SDK1: variants seen among roughly 807,000 people sequenced by gnomAD.
SDK1 encodes sidekick cell adhesion molecule 1, also known as protein sidekick-1.
In SDK1, 157 loss-of-function variants were observed where a neutral mutation model predicts 245.5. The observed-to-expected ratio is 0.64, with a 90% CI of 0.56 to 0.73. The LOEUF is 0.73. Ranked by LOEUF, SDK1 falls within the 30% of genes least tolerant of loss-of-function variation. The probability of loss-of-function intolerance (pLI) is 0.00; values close to 1 mark genes in which losing one functional copy is unlikely to be tolerated. For synonymous variants in SDK1, 1,647 were observed against 1,278.5 expected (o/e 1.29, Z -6.15); for missense variants, 3,583 against 3,002.3 (o/e 1.19, Z -4.52).
intron 1 of SDK1, among the ~76,000 whole-genome samples, chr7:3,504,465 A>G (rs972483839): frequency 3.9e-5 from 6 of 152,122 alleles, no homozygotes; most frequent in African/African-American, 1.4e-4. Flanking sequence ...AAAGAAAGAC[A>G]TATATGTTGG....
At chr7:3,447,059 G>C (rs1780362746) in intron 1 of SDK1, among the ~76,000 whole-genome samples, 1 of 152,168 alleles carries the variant, frequency 6.6e-6, no homozygotes, top group African/African-American at 2.4e-5. Flanking sequence ...CGATTATAGA[G>C]CTCTGAACTT....
chr7:3,671,344 AT>A (rs1280648533), intron 4 of SDK1, among the ~76,000 whole-genome samples: 1 of 152,218 alleles, frequency 6.6e-6, no homozygotes, highest in African/African-American at 2.4e-5. Flanking sequence ...CATCAGGGAC[AT>A]TTTTTAAACC....
intron 17 of SDK1, among the ~76,000 whole-genome samples, chr7:4,045,992 C>G (rs1380444900): frequency 6.6e-6 from 1 of 151,652 alleles, no homozygotes; most frequent in Non-Finnish European, 1.5e-5. Flanking sequence ...CAAAGTCTTA[C>G]TTGGTTGCTC....
intron 4 of SDK1, among the ~76,000 whole-genome samples, chr7:3,737,220 TG>T (rs1779340612): frequency 6.6e-6 from 1 of 152,196 alleles, no homozygotes; most frequent in Admixed American, 6.5e-5. Flanking sequence ...GGCCATAGGC[TG>T]GGCTCCGCAG....
rs1781761708 is a variant in SDK1, at chr7:3,391,732, G to T, written c.298+89848G>T. ...GCTCACTGCAACCTCCGCTTGCCAG[G>T]TTTAAGTGATCCTCCTGTCTCAGCC... On this transcript the variant is annotated intron_variant, in intron 1 of 44. Transcript: ENST00000404826. 2.0e-5 allele frequency among the ~76,000 whole-genome samples: 3 copies of T among 150,762 alleles called. No homozygotes were observed. In the South Asian group the frequency reaches 6.3e-4, roughly 32 times the overall value.
intron 4 of SDK1, among the ~76,000 whole-genome samples, chr7:3,749,115 A>G (rs779379823): frequency 3.9e-5 from 6 of 152,192 alleles, no homozygotes; most frequent in Admixed American, 3.9e-4. Context: ...AGTACATGAA[A>G]GAAGGTTAAG....
chr7:4,016,978 T>A (rs1786450855), intron 16 of SDK1, among the ~76,000 whole-genome samples, 193 bp from the exon 17 acceptor site: 1 of 152,248 alleles, frequency 6.6e-6, no homozygotes, highest in Non-Finnish European at 1.5e-5. Flanking sequence ...CTTGAGCTTA[T>A]AATCACTGTG....
intron 4 of SDK1, among the ~76,000 whole-genome samples, chr7:3,701,023 G>A (rs534045112): frequency 4.4e-4 from 67 of 152,264 alleles, no homozygotes; most frequent in African/African-American, 1.6e-3. Context: ...GGGCTGGGGA[G>A]GAACCAGTTG....
Position 3,915,649 on chromosome 7 carries a change from G to A in SDK1, c.848-35274G>A, listed in dbSNP as rs1045165675. 2.6e-5 allele frequency among the ~76,000 whole-genome samples: 4 copies of A among 152,068 alleles called. No individual in the cohort carries two copies. In the East Asian group the frequency reaches 5.8e-4, roughly 22 times the overall value. ...TTCTTTATGAATTGCCCAGTCATGG[G>A]TGTGTCTTTATTAGCAGCGTGAGAA... On this transcript the variant is annotated intron_variant, in intron 5 of 44. Coordinates refer to ENST00000404826, the MANE Select transcript of SDK1 (RefSeq NM_152744.4).
At chr7:3,865,641 T>C (rs1305397376) in intron 5 of SDK1, among the ~76,000 whole-genome samples, 1 of 151,828 alleles carries the variant, frequency 6.6e-6, no homozygotes, top group Non-Finnish European at 1.5e-5. Context: ...CTCAAGTAAC[T>C]GGGACTACAG....
At chr7:3,439,331 T>A (rs1403162) in intron 1 of SDK1, among the ~76,000 whole-genome samples, 57,989 of 151,916 alleles carry the variant, frequency 0.38, 12,395 homozygotes, top group South Asian at 0.49. Context: ...AGCTAATGTT[T>A]CTCAAGTCAT....
chr7:3,516,865 C>T (rs569203067), intron 1 of SDK1, among the ~76,000 whole-genome samples: 1 of 152,184 alleles, frequency 6.6e-6, no homozygotes, highest in Non-Finnish European at 1.5e-5. Flanking sequence ...CTTTATCACC[C>T]ATTATTTGGG....
At chr7:3,347,866 G>C (rs1239520506) in intron 1 of SDK1, among the ~76,000 whole-genome samples, 1 of 149,892 alleles carries the variant, frequency 6.7e-6, no homozygotes, top group African/African-American at 2.5e-5. Flanking sequence ...GCTTAGTATC[G>C]AGCCAGTTAC....
At chr7:3,777,865 G>T (rs1008477519) in intron 4 of SDK1, among the ~76,000 whole-genome samples, 2 of 152,128 alleles carry the variant, frequency 1.3e-5, no homozygotes, top group Admixed American at 6.5e-5. Flanking sequence ...AAAAATATAG[G>T]TCAATTACAA....
chr7:3,758,052 C>G (rs774713411), intron 4 of SDK1, among the ~76,000 whole-genome samples: 23 of 152,258 alleles, frequency 1.5e-4, no homozygotes, highest in Non-Finnish European at 2.2e-4. Flanking sequence ...TACCACAGTT[C>G]CTTAGAAGCA....
Position 3,467,029 on chromosome 7 carries a change from C to CACACAGAG in SDK1, c.299-152050_299-152049insCACAGAGA, listed in dbSNP as rs1288513856. Among the ~76,000 whole-genome samples, 455 of 137,546 alleles carry CACACAGAG rather than the reference C, an allele frequency of 3.3e-3. 1 individual carries two copies. The highest frequency in any genetic ancestry group is 0.011 in the African/African-American group (421 of 37,572). 90.2% of individuals were successfully genotyped at this position (137,546 alleles called of 152,430 possible). On this transcript the variant is annotated intron_variant, in intron 1 of 44. Transcript: ENST00000404826. ...ACACACACACACACACACACACACACAGAGATGTAAAACATACACATAGAA... is the reference window on the plus strand; with the variant it reads ...ACACACACACACACACACACACACACACACAGAGAGAGATGTAAAACATACACATAGAA...
rs372668505 is a variant in SDK1 at position 3,987,279 on chromosome 7, A to C, written c.2088A>C (p.Gly696=). 6.2e-7 allele frequency: 1 copy of C among 1,614,084 alleles called. No homozygotes were observed. The highest frequency in any genetic ancestry group is 1.1e-5 in the South Asian group (1 of 91,074). ...VVLSWVRPFD[G]NSPILYYIVE... is the part of the protein sequence containing the mutation. ...TCTCTTGGGTCCGGCCCTTTGATGG[A>C]AACAGTCCTATTCTTTATTACATCG... The change falls in exon 14 of 45, where the codon GGA becomes GGC. Residue 696 remains glycine (G), a synonymous_variant. Transcript: ENST00000404826.
chr7:4,111,201 C>G (rs112236650), intron 23 of SDK1, among the ~76,000 whole-genome samples: 1 of 152,338 alleles, frequency 6.6e-6, no homozygotes, highest in African/African-American at 2.4e-5. Context: ...AGCTGCTAGT[C>G]TCACTTATCA....
intron 25 of SDK1, among the ~76,000 whole-genome samples, chr7:4,122,606 A>T (rs1021179877): frequency 6.6e-6 from 1 of 152,150 alleles, no homozygotes; most frequent in African/African-American, 2.4e-5. Flanking sequence ...ATGATATATT[A>T]TGATATATTC....
Sources: allele counts gnomAD v4.1 joint callset (sites outside exome capture counted in the v4.1 genomes callset), GRCh38; gene constraint gnomAD v4.1.1; transcripts MANE v1.5; gene names NCBI Gene and HGNC (gene_info 2026-07-23, HGNC 2026-07-21).